NBR1: variants seen among roughly 807,000 people sequenced by gnomAD.
NBR1 encodes NBR1 autophagy cargo receptor.
In NBR1, 59 loss-of-function variants were observed where a neutral mutation model predicts 115.5. That is an observed-to-expected ratio of 0.51 (90% CI 0.41 to 0.63). The LOEUF (loss-of-function observed/expected upper bound fraction) is 0.63. Ranked by LOEUF, NBR1 falls within the 30% of genes least tolerant of loss-of-function variation. The pLI is 0.00. For missense variants in NBR1, 1,043 were observed against 1,150.5 expected (o/e 0.91, Z 1.35); for synonymous variants, 373 against 414.7 (o/e 0.90, Z 1.22).
At chr17:43,200,029 C>G (rs1003051438) in intron 16 of NBR1, 138 bp from the exon 17 acceptor site, 15 of 679,400 alleles carry the variant, frequency 2.2e-5, no homozygotes, top group Non-Finnish European at 9.8e-6. Context: ...GTTCCAGAAC[C>G]AGCCCTTCCC....
At chr17:43,196,201 T>C (rs112569666) in intron 14 of NBR1, 32 of 262,804 alleles carry the variant, frequency 1.2e-4, no homozygotes, top group African/African-American at 2.1e-4. Flanking sequence ...TTTTTCCCTC[T>C]AGATACTTGT....
chr17:43,173,047 C>T (rs2056416013), intron 1 of NBR1, among the ~76,000 whole-genome samples: 1 of 152,202 alleles, frequency 6.6e-6, no homozygotes, highest in East Asian at 1.9e-4. Flanking sequence ...AGGATGGTCT[C>T]GATCTCCTGA....
intron 4 of NBR1, 30 bp from the exon 5 acceptor site, chr17:43,180,765 T>A (rs974907199): frequency 1.4e-6 from 2 of 1,445,908 alleles, no homozygotes; most frequent in African/African-American, 3.0e-5. Flanking sequence ...TGTGAAGAAG[T>A]ATCATGGTGT....
chr17:43,196,582 G>C lies in NBR1; in HGVS notation c.1852G>C (p.Ala618Pro), dbSNP rs372091720. The C allele has an allele frequency of 5.1e-5, 82 of 1,595,636 alleles. No homozygotes were observed. The highest frequency in any genetic ancestry group is 6.4e-5 in the Non-Finnish European group (75 of 1,170,396). The change falls in exon 15 of 21, where the codon GCA becomes CCA. Residue 618 changes from alanine to proline, a missense_variant. Physicochemically the swap from Ala to Pro is conservative, Grantham distance 27. Coordinates refer to ENST00000590996, the MANE Select transcript of NBR1 (RefSeq NM_005899.5). Reference sequence around the variant, plus strand: ...AGAGAATGAAGGGGCAGGATTTAAAGCACTTCCTGGTAAGGGATTAAACAT... The same window carrying C: ...AGAGAATGAAGGGGCAGGATTTAAACCACTTCCTGGTAAGGGATTAAACAT... Reference protein sequence around the residue: ...EEENEGAGFKALPDSMVSVKR... With the variant: ...EEENEGAGFKPLPDSMVSVKR...
intron 2 of NBR1, among the ~76,000 whole-genome samples, chr17:43,177,572 AACACACACAC>A (rs60320098): frequency 0.12 from 15,819 of 131,256 alleles, 964 homozygotes; most frequent in East Asian, 0.23. Flanking sequence ...CCCCACCCAA[AACACACACAC>A]ACACACACAC....
intron 8 of NBR1, chr17:43,190,031 T>G (rs964842269): frequency 5.4e-6 from 3 of 556,210 alleles, no homozygotes; most frequent in African/African-American, 1.9e-5. Context: ...CAGGCAAAAT[T>G]ATGTTCCCCT....
chr17:43,202,723 T>C lies in NBR1; in HGVS notation c.2621+11T>C. The stretch of plus-strand genomic sequence containing the variant: ...CTATGACCACTCAAGGTAACAACCT[T>C]GTGCAGTCTCTTTTTTCAGAAGCAG... On this transcript the variant is annotated intron_variant, in intron 19 of 20. Transcript: ENST00000590996. The C allele has an allele frequency of 6.4e-7, 1 of 1,562,526 alleles. No individual in the cohort carries two copies. The highest frequency in any genetic ancestry group is 8.7e-7 in the Non-Finnish European group (1 of 1,151,620).
At chr17:43,185,102 A>G (rs1399873319) in intron 5 of NBR1, among the ~76,000 whole-genome samples, 2 of 152,022 alleles carry the variant, frequency 1.3e-5, no homozygotes, top group Admixed American at 1.3e-4. Flanking sequence ...AAAAGAAAAA[A>G]AAAAAAACAG....
At chr17:43,200,734 A>C in intron 17 of NBR1, 126 bp downstream of exon 17, 1 of 756,248 alleles carries the variant, frequency 1.3e-6, no homozygotes, top group Non-Finnish European at 2.1e-6. Context: ...GCAAAGTCTG[A>C]ATTTAGATGA....
chr17:43,180,192 G>A (rs901642833), intron 4 of NBR1, among the ~76,000 whole-genome samples: 1 of 152,160 alleles, frequency 6.6e-6, no homozygotes, highest in Non-Finnish European at 1.5e-5. Flanking sequence ...ACAGAGATTT[G>A]TACTGAGAAA....
chr17:43,201,343 C>T (rs1413951409), intron 17 of NBR1, among the ~76,000 whole-genome samples: 2 of 152,240 alleles, frequency 1.3e-5, no homozygotes, highest in Non-Finnish European at 2.9e-5. Context: ...GTGAATCTAT[C>T]TGAATCATTC....
intron 20 of NBR1, among the ~76,000 whole-genome samples, chr17:43,205,231 G>A (rs1219399704): frequency 6.6e-6 from 1 of 152,120 alleles, no homozygotes; most frequent in Non-Finnish European, 1.5e-5. Flanking sequence ...ATGTGTGCCT[G>A]TAATCCCAGC....
At chr17:43,203,570 C>A in intron 19 of NBR1, 111 bp from the exon 20 acceptor site, 2 of 632,496 alleles carry the variant, frequency 3.2e-6, no homozygotes, top group South Asian at 2.1e-5. Flanking sequence ...CTTTTTCCAT[C>A]TAATTTTTTC....
At chr17:43,196,886 G>A (rs1180228774) in intron 15 of NBR1, 56 bp from the exon 16 acceptor site, 2 of 1,585,042 alleles carry the variant, frequency 1.3e-6, no homozygotes, top group East Asian at 4.5e-5. Flanking sequence ...AATGACTGGT[G>A]AATGTTCCTC....
At chr17:43,182,303 C>T (rs943544029) in intron 5 of NBR1, among the ~76,000 whole-genome samples, 2 of 149,702 alleles carry the variant, frequency 1.3e-5, no homozygotes, top group African/African-American at 5.0e-5. Flanking sequence ...CTGCAACCTC[C>T]ACCTCTGGGG....
At chr17:43,191,638 A>G in intron 10 of NBR1, 57 bp downstream of exon 10, 1 of 1,166,052 alleles carries the variant, frequency 8.6e-7, no homozygotes, top group Non-Finnish European at 1.2e-6. Flanking sequence ...CTGAAACTGG[A>G]ACTTCAACCA....
chr17:43,175,551 T>G (rs2056490945), intron 1 of NBR1, among the ~76,000 whole-genome samples: 1 of 152,248 alleles, frequency 6.6e-6, no homozygotes, highest in Non-Finnish European at 1.5e-5. Flanking sequence ...TTTTTGTGAC[T>G]TAAGTACAAG....
chr17:43,204,391 C>T (rs978109990), intron 20 of NBR1, among the ~76,000 whole-genome samples: 53 of 151,840 alleles, frequency 3.5e-4, no homozygotes, highest in African/African-American at 8.5e-4. Flanking sequence ...AGTTCTTGGC[C>T]GGGTATGGTG....
intron 14 of NBR1, chr17:43,196,211 T>G (rs1329697311): frequency 3.2e-6 from 1 of 313,272 alleles, no homozygotes; most frequent in Non-Finnish European, 5.7e-6. Context: ...TAGATACTTG[T>G]GTCCTTTTGT....
Sources: allele counts gnomAD v4.1 joint callset (sites outside exome capture counted in the v4.1 genomes callset), GRCh38; gene constraint gnomAD v4.1.1; transcripts MANE v1.5; gene names NCBI Gene and HGNC (gene_info 2026-07-23, HGNC 2026-07-21).